ENOX1: variants seen among roughly 807,000 people sequenced by gnomAD.
ENOX1 encodes the protein ecto-NOX disulfide-thiol exchanger 1.
A neutral mutation model predicts 82.5 loss-of-function variants in ENOX1; 42 were observed. That is an observed-to-expected ratio of 0.51 (90% CI 0.40 to 0.66). The LOEUF is 0.66. Ranked by LOEUF, ENOX1 falls within the 30% of genes least tolerant of loss-of-function variation. ENOX1 has a pLI of 0.00. For missense variants in ENOX1, 608 were observed against 811.6 expected (o/e 0.75, Z 3.05); for synonymous variants, 271 against 282.2 (o/e 0.96, Z 0.40).
chr13:43,682,272 G>C (rs1390005773), intron 1 of ENOX1, among the ~76,000 whole-genome samples: 1 of 152,046 alleles, frequency 6.6e-6, no homozygotes, highest in Non-Finnish European at 1.5e-5. Context: ...TAAAAGGTAT[G>C]AACTCACTGT....
chr13:43,633,209 T>C (rs566702346), intron 2 of ENOX1, among the ~76,000 whole-genome samples: 30 of 152,222 alleles, frequency 2.0e-4, no homozygotes, highest in Non-Finnish European at 3.7e-4. Context: ...TTATTTGCCA[T>C]CAAATAAGTA....
chr13:43,694,792 T>A (rs2086552278), intron 1 of ENOX1, among the ~76,000 whole-genome samples: 1 of 152,208 alleles, frequency 6.6e-6, no homozygotes, highest in African/African-American at 2.4e-5. Flanking sequence ...CCTCAGTGAC[T>A]TCCTTGTTTT....
At chr13:43,486,545 T>C (rs1431971617) in intron 2 of ENOX1, among the ~76,000 whole-genome samples, 1 of 152,208 alleles carries the variant, frequency 6.6e-6, no homozygotes, top group East Asian at 1.9e-4. Context: ...AAACAATAAG[T>C]TGGAAAATTC....
At chr13:43,456,122 T>G (rs2057216808) in intron 3 of ENOX1, among the ~76,000 whole-genome samples, 1 of 152,134 alleles carries the variant, frequency 6.6e-6, no homozygotes, top group Non-Finnish European at 1.5e-5. Context: ...AGAATGCTTT[T>G]TATTTTATAG....
intron 2 of ENOX1, among the ~76,000 whole-genome samples, chr13:43,607,290 A>C (rs1204452599): frequency 1.3e-5 from 2 of 152,184 alleles, no homozygotes; most frequent in Admixed American, 1.3e-4. Flanking sequence ...GATTAGGCCA[A>C]AAGTGTGCAT....
At chr13:43,615,917 T>G (rs1245183291) in intron 2 of ENOX1, among the ~76,000 whole-genome samples, 6 of 151,680 alleles carry the variant, frequency 4.0e-5, no homozygotes, top group African/African-American at 1.5e-4. Context: ...GCAAAGTACA[T>G]GAACTCGTCC....
At chr13:43,714,672 C>T (rs9533596) in intron 1 of ENOX1, among the ~76,000 whole-genome samples, 11,990 of 152,140 alleles carry the variant, frequency 0.079, 714 homozygotes, top group African/African-American at 0.16. Context: ...TATGTAATGG[C>T]CTTCTTTGTC....
intron 2 of ENOX1, among the ~76,000 whole-genome samples, chr13:43,488,356 A>C (rs1270784020): frequency 6.6e-6 from 1 of 152,168 alleles, no homozygotes; most frequent in Non-Finnish European, 1.5e-5. Context: ...CCTCCAGAGA[A>C]ACCATCTTGG....
At chr13:43,604,590 T>TA (rs1400870692) in intron 2 of ENOX1, among the ~76,000 whole-genome samples, 1 of 152,214 alleles carries the variant, frequency 6.6e-6, no homozygotes, top group Non-Finnish European at 1.5e-5. Flanking sequence ...ATATAGTTTT[T>TA]ATCCTTCATT....
intron 1 of ENOX1, among the ~76,000 whole-genome samples, chr13:43,707,750 AAAAAAAC>A (rs2087404666): frequency 6.7e-6 from 1 of 149,022 alleles, no homozygotes; most frequent in African/African-American, 2.5e-5. Flanking sequence ...AAAAAAAAAA[AAAAAAAC>A]CAAGAACAAA....
intron 1 of ENOX1, among the ~76,000 whole-genome samples, chr13:43,765,293 C>T (rs1299157123): frequency 1.3e-5 from 2 of 152,182 alleles, no homozygotes; most frequent in Non-Finnish European, 1.5e-5. Context: ...TTACAACCGA[C>T]GTGACCTTTC....
chr13:43,736,027 T>G lies in ENOX1; in HGVS notation c.-285+50625A>C, dbSNP rs568526912. Reference sequence around the variant, plus strand: ...ATTTTCAGGACTAACTCCTTCCATTTCCCTTCTTTCATTGATTTTTTTTTA... The same window carrying G: ...ATTTTCAGGACTAACTCCTTCCATTGCCCTTCTTTCATTGATTTTTTTTTA... On this transcript the variant is annotated intron_variant, in intron 1 of 16. Coordinates refer to ENST00000690772, the MANE Select transcript of ENOX1 (RefSeq NM_001347969.2). Among the ~76,000 whole-genome samples the G allele has an allele frequency of 3.9e-3, 600 of 152,236 alleles. 2 individuals are homozygous for G. Among genetic ancestry groups the G allele is most frequent in the Non-Finnish European group, 6.6e-3 (452 of 68,004 alleles).
chr13:43,637,236 T>C (rs1000961598), intron 2 of ENOX1, among the ~76,000 whole-genome samples: 2 of 152,194 alleles, frequency 1.3e-5, no homozygotes, highest in Non-Finnish European at 2.9e-5. Flanking sequence ...ACAACACTCA[T>C]AGCTTAGATT....
At chr13:43,601,382 A>G (rs1375834589) in intron 2 of ENOX1, among the ~76,000 whole-genome samples, 1 of 152,136 alleles carries the variant, frequency 6.6e-6, no homozygotes, top group African/African-American at 2.4e-5. Context: ...GAGCTGAAAA[A>G]TGCAGTTGAC....
chr13:43,557,590 C>G (rs939717991), intron 2 of ENOX1, among the ~76,000 whole-genome samples: 2 of 152,134 alleles, frequency 1.3e-5, no homozygotes, highest in Non-Finnish European at 2.9e-5. Context: ...AGAAATAGCA[C>G]CCCACTTCCA....
intron 3 of ENOX1, among the ~76,000 whole-genome samples, chr13:43,427,728 A>T (rs2055408200): frequency 6.6e-6 from 1 of 152,246 alleles, no homozygotes; most frequent in Non-Finnish European, 1.5e-5. Flanking sequence ...GTAACTAAAC[A>T]AACTAAAAAG....
chr13:43,492,421 T>C (rs1350144775), intron 2 of ENOX1, among the ~76,000 whole-genome samples: 1 of 152,102 alleles, frequency 6.6e-6, no homozygotes, highest in Non-Finnish European at 1.5e-5. Flanking sequence ...GCCTGAAAAA[T>C]TCCTGAGCAA....
At chr13:43,270,559 C>G (rs1786543822) in intron 12 of ENOX1, among the ~76,000 whole-genome samples, 1 of 152,132 alleles carries the variant, frequency 6.6e-6, no homozygotes, top group African/African-American at 2.4e-5. Context: ...ACCATCAAAG[C>G]CTGGAGAAAC....
At chr13:43,752,851 A>G (rs1173754349) in intron 1 of ENOX1, among the ~76,000 whole-genome samples, 3 of 149,886 alleles carry the variant, frequency 2.0e-5, no homozygotes, top group African/African-American at 7.4e-5. Context: ...TTCCAGGTTC[A>G]TTGCATTTCT....
Sources: gnomAD v4.1 joint callset for allele counts (sites outside exome capture counted in the v4.1 genomes callset) on GRCh38, gnomAD v4.1.1 for gene constraint, MANE v1.5 for transcripts, NCBI Gene and HGNC (gene_info 2026-07-23, HGNC 2026-07-21) for gene names.